Variants in HECTD4 observed in about 807,000 individuals in gnomAD.
The protein encoded by HECTD4 is probable E3 ubiquitin-protein ligase HECTD4.
A neutral mutation model predicts 471.5 loss-of-function variants in HECTD4; 114 were observed. That is an observed-to-expected ratio of 0.24 (90% confidence interval 0.21 to 0.28). The LOEUF is 0.28. HECTD4 is among the 10% of genes least tolerant of loss of function. The pLI is 1.00. For synonymous variants in HECTD4, 2,012 were observed against 2,256.0 expected (o/e 0.89, Z 3.07); for missense variants, 3,866 against 5,651.5 (o/e 0.68, Z 10.13).
chr12:112,356,707 G>C (rs1402186466), intron 1 of HECTD4, among the ~76,000 whole-genome samples: 1 of 152,124 alleles, frequency 6.6e-6, no homozygotes, highest in Non-Finnish European at 1.5e-5. Context: ...CAAAGTGCTG[G>C]GAGGCATGAG....
Position 112,250,234 on chromosome 12 carries a change from T to C in HECTD4, c.3860A>G (p.Asp1287Gly), listed in dbSNP as rs2033850069. The C allele has an allele frequency of 6.2e-7, 1 of 1,613,924 alleles. No homozygotes were observed. Among genetic ancestry groups the C allele is most frequent in the Non-Finnish European group, 8.5e-7 (1 of 1,179,870 alleles). Residue 1287 changes from aspartate (D) to glycine (G), a missense_variant, in exon 25 of 76, where the codon GAT becomes GGT. By Grantham distance (94) the Asp-to-Gly change is moderately conservative. Around this residue, in one of 16 missense-constraint regions of HECTD4, gnomAD observed 281 missense variants for 499.9 expected, o/e 0.56. Coordinates refer to ENST00000682272, the MANE Select transcript of HECTD4 (RefSeq NM_001388303.1). ...TGGAGGCAGTCTGATCCGAGGCAGA[T>C]CAAAGTAGTTTCCAACAGGAGGCAC... ...VLVPPVGNYF[D>G]LPRIRLPPGI...
At chr12:112,348,729 C>T (rs2036199714) in intron 1 of HECTD4, among the ~76,000 whole-genome samples, 2 of 151,880 alleles carry the variant, frequency 1.3e-5, no homozygotes, top group Admixed American at 1.3e-4. Flanking sequence ...GCTTGAGCAA[C>T]AAAGTGAAAC....
In HECTD4 at chr12:112,207,870, A is replaced by G; in HGVS notation, c.8131+4T>C. 1.9e-6 allele frequency: 3 copies of G among 1,613,700 alleles called. No individual in the cohort carries two copies. On this transcript the variant is annotated splice_donor_region_variant and intron_variant, in intron 52 of 75. Transcript: ENST00000682272. ...CCTCCTTAGCAGAACAAAAAGTACC[A>G]GACCTAGTTGTAAGGCCCCCTTTAT... is the stretch of plus-strand genomic sequence containing the variant.
chr12:112,275,056 C>A, intron 9 of HECTD4, 96 bp from the exon 10 acceptor site: 4 of 727,294 alleles, frequency 5.5e-6, no homozygotes, highest in Non-Finnish European at 2.3e-6. Flanking sequence ...AAAATCACAC[C>A]CTTTTCTTGT....
chr12:112,242,747 C>A (rs2033670703), intron 32 of HECTD4, among the ~76,000 whole-genome samples: 2 of 152,076 alleles, frequency 1.3e-5, no homozygotes, highest in South Asian at 4.2e-4. Flanking sequence ...CCCATCTCTA[C>A]TAAAAATATA....
At position 112,314,529 on chromosome 12, in the gene HECTD4, A is replaced by G; in HGVS notation, c.713T>C (p.Phe238Ser). Residue 238 changes from phenylalanine (F) to serine (S), a missense_variant, in exon 3 of 76, where the codon TTC (phenylalanine) becomes TCC (serine). Physicochemically the swap from Phe to Ser is radical, Grantham distance 155 (BLOSUM62 -2). Transcript: ENST00000682272. ...CTGTAATAGATGGACTGTGTGGACG[A>G]AAGTTTTCAATGATCCCCTAAAAAT... ...LACARGSLKT[F>S]VHTVHLLQKQ... is the part of the protein sequence containing the mutation. 3.9e-6 allele frequency: 6 copies of G among 1,522,336 alleles called. No individual in the cohort carries two copies. The highest frequency in any genetic ancestry group is 2.4e-5 in the South Asian group (2 of 83,744). 94.3% of individuals were successfully genotyped at this position (1,522,336 alleles called of 1,614,324 possible).
rs202115024 is a variant in HECTD4, at chr12:112,248,143, T to C, written c.4172A>G (p.Gln1391Arg). 1.1e-4 allele frequency: 180 copies of C among 1,613,422 alleles called. No individual in the cohort carries two copies. The highest frequency in any genetic ancestry group is 1.5e-4 in the Non-Finnish European group (175 of 1,179,714). ...CTGCATGGCATCATCAACTTCACTT[T>C]GCCATTTTTGTTCCAGTTCTGCAAC... ...QSVAELEQKW[Q>R]SEVDDAMQGK... The change falls in exon 27 of 76, where the codon CAA (glutamine) becomes CGA (arginine). Residue 1391 changes from glutamine to arginine, a missense_variant. By Grantham distance (43) the Gln-to-Arg change is conservative. Transcript: ENST00000682272.
At chr12:112,198,889 G>A (rs1171976522) in intron 55 of HECTD4, among the ~76,000 whole-genome samples, 1 of 152,098 alleles carries the variant, frequency 6.6e-6, no homozygotes, top group Non-Finnish European at 1.5e-5. Context: ...ACCCCTCACA[G>A]GCAAGCTGTG....
At chr12:112,252,020 C>T (rs2033901465) in intron 23 of HECTD4, among the ~76,000 whole-genome samples, 1 of 152,198 alleles carries the variant, frequency 6.6e-6, no homozygotes. Flanking sequence ...GATTCACCTG[C>T]CTCAGCCTCC....
At chr12:112,348,593 T>TA (rs879545777) in intron 1 of HECTD4, among the ~76,000 whole-genome samples, 70 of 151,068 alleles carry the variant, frequency 4.6e-4, no homozygotes, top group Non-Finnish European at 7.5e-4. Context: ...CCTGTCTCTA[T>TA]AAAAAAAAAT....
intron 7 of HECTD4, among the ~76,000 whole-genome samples, chr12:112,287,936 C>T (rs1308427527): frequency 1.3e-5 from 2 of 152,034 alleles, no homozygotes; most frequent in African/African-American, 4.8e-5. Context: ...ACATTGGTGG[C>T]CCCTAATGAA....
rs568833036 is a variant in HECTD4 at position 112,265,079 on chromosome 12, G to A, written c.2619+96C>T. On this transcript the variant is annotated intron_variant, in intron 16 of 75. Transcript: ENST00000682272. ...TGCGCCCGGCCTTTCATAAATTATT[G>A]TAAGTCTGTATGTATACACACACCT... 4 of 1,154,500 alleles carry A rather than the reference G, an allele frequency of 3.5e-6. No individual in the cohort carries two copies. In the East Asian group the frequency reaches 8.1e-5, roughly 23 times the overall value. 71.5% of individuals were successfully genotyped at this position (1,154,500 alleles called of 1,614,324 possible). A position where few individuals can be genotyped will look rare whatever the true frequency, so the allele number is the denominator to read the frequency against.
chr12:112,193,135 G>A lies in HECTD4; in HGVS notation c.9012C>T (p.Asn3004=). ...CTGCCCCGGGGAAATTCACGTCCAT[G>A]TTGACTTTGGATTCGGAAATTGGGA... ...EEFPISESKV[N]MDVNFPGAAF... The change falls in exon 58 of 76, where the codon AAC becomes AAT. Residue 3004 remains asparagine (N), a synonymous_variant. Transcript: ENST00000682272. The surrounding 1 kb of genome is among the most constrained non-coding windows in gnomAD (Gnocchi z 5.2). 6.2e-7 allele frequency: 1 copy of A among 1,613,982 alleles called. No individual in the cohort carries two copies.
chr12:112,241,105 A>T (rs1316512511), intron 32 of HECTD4, among the ~76,000 whole-genome samples: 1 of 152,230 alleles, frequency 6.6e-6, no homozygotes, highest in Non-Finnish European at 1.5e-5. Context: ...CAGACACTAA[A>T]GTGTTAACAG....
At chr12:112,265,407 T>TA (rs1224509922) in intron 15 of HECTD4, 112 bp from the exon 16 acceptor site, 2 of 690,754 alleles carry the variant, frequency 2.9e-6, no homozygotes, top group Admixed American at 3.3e-5. Flanking sequence ...AATTGATTCT[T>TA]AAGCAAATCA....
In HECTD4 at chr12:112,269,784, T is replaced by C. The variant is rs775233577; in HGVS notation, c.2241A>G (p.Gly747=). The part of the protein sequence containing the change: ...ERNRDIIRRS[G]LLLWQLLMAP... Reference sequence around the variant, plus strand: ...CCATCAACAACTGCCAAAGAAGCAATCCCGACCGTCGAATGATGTCTCGAT... The same window carrying C: ...CCATCAACAACTGCCAAAGAAGCAACCCCGACCGTCGAATGATGTCTCGAT... The change falls in exon 13 of 76, where the codon GGA becomes GGG. Residue 747 remains glycine, a synonymous_variant. Transcript: ENST00000682272. 6.2e-6 allele frequency: 10 copies of C among 1,613,962 alleles called. No individual in the cohort carries two copies. In the Admixed American group the frequency reaches 8.3e-5, roughly 13 times the overall value.
chr12:112,208,067 C>T, intron 51 of HECTD4, 67 bp from the exon 52 acceptor site: 1 of 1,550,494 alleles, frequency 6.4e-7, no homozygotes, highest in Non-Finnish European at 8.7e-7. Context: ...GTTTCCCTAA[C>T]TTACAGCCCT....
chr12:112,328,302 C>T (rs1005099340), intron 1 of HECTD4, among the ~76,000 whole-genome samples: 4 of 152,010 alleles, frequency 2.6e-5, no homozygotes, highest in African/African-American at 9.7e-5. Flanking sequence ...CTATGCCTAG[C>T]TAATTTAAAC....
At chr12:112,241,367 G>T (rs2033638531) in intron 32 of HECTD4, among the ~76,000 whole-genome samples, 1 of 152,202 alleles carries the variant, frequency 6.6e-6, no homozygotes, top group Admixed American at 6.5e-5. Context: ...GTTCTGACAA[G>T]GAGCCTGGCA....
Sources: gnomAD v4.1 joint callset for allele counts (sites outside exome capture counted in the v4.1 genomes callset) on GRCh38, gnomAD v4.1.1 for gene constraint, gnomAD v4.1.1 regional missense constraint, Gnocchi (gnomAD v3.1) non-coding constraint, MANE v1.5 for transcripts, NCBI Gene and HGNC (gene_info 2026-07-23, HGNC 2026-07-21) for gene names.